GPHN: variants seen among roughly 807,000 people sequenced by gnomAD.
GPHN encodes gephyrin.
In GPHN, 17 loss-of-function variants were observed where a neutral mutation model predicts 95.5. The observed-to-expected ratio is 0.18, with a 90% CI of 0.12 to 0.27. The LOEUF (loss-of-function observed/expected upper bound fraction) is 0.27, where lower values mean the gene tolerates loss of function less well. Among genes scored for constraint, GPHN ranks in the 10% least tolerant of loss-of-function variants. The pLI is 1.00. For synonymous variants in GPHN, 320 were observed against 322.5 expected, an observed-to-expected ratio of 0.99 and a Z score of 0.08; for missense variants, 660 against 978.1, an observed-to-expected ratio of 0.67 and a Z score of 4.34.
intron 11 of GPHN, among the ~76,000 whole-genome samples, chr14:67,070,720 A>ATATATATATATATATATATATATATG (rs1183283173): frequency 2.1e-5 from 3 of 141,156 alleles, no homozygotes; most frequent in African/African-American, 8.4e-5. Flanking sequence ...AAAAAAATAT[A>ATATATATATATATATATATATATATG]TATATATATC....
chr14:67,642,331 C>T, the GPHN span: 1 of 1,614,048 alleles, frequency 6.2e-7, no homozygotes, highest in African/African-American at 1.3e-5. Context: ...TGTCAGATGG[C>T]TACAGCTGTG....
chr14:67,621,004 G>GT, the GPHN span: 1 of 1,580,718 alleles, frequency 6.3e-7, no homozygotes, highest in Non-Finnish European at 8.7e-7. Flanking sequence ...TGCAGGACTA[G>GT]TAATAGACCA....
the GPHN span, chr14:67,600,145 C>T: frequency 1.3e-6 from 2 of 1,593,400 alleles, no homozygotes; most frequent in South Asian, 2.3e-5. Context: ...GGAGTAGTAG[C>T]GGCGCTGCAG....
chr14:67,041,222 A>AT (rs562794900), intron 10 of GPHN, among the ~76,000 whole-genome samples: 5 of 151,336 alleles, frequency 3.3e-5, no homozygotes, highest in East Asian at 1.9e-4. Flanking sequence ...CTTTTTTTTT[A>AT]TTTTTTTTAT....
At chr14:67,220,329 G>A in the GPHN span, among the ~76,000 whole-genome samples, 3 of 152,136 alleles carry the variant, frequency 2.0e-5, no homozygotes, top group South Asian at 6.2e-4. Context: ...TGAGGTCCCA[G>A]TTACTCAGGA....
chr14:66,878,790 T>C (rs771999527), intron 4 of GPHN, among the ~76,000 whole-genome samples: 1 of 152,134 alleles, frequency 6.6e-6, no homozygotes, highest in Non-Finnish European at 1.5e-5. Context: ...AATTCAACCA[T>C]TGTGGAAGAC....
At chr14:66,942,157 G>A (rs1567130673) in intron 8 of GPHN, among the ~76,000 whole-genome samples, 1 of 152,052 alleles carries the variant, frequency 6.6e-6, no homozygotes, top group Non-Finnish European at 1.5e-5. Context: ...GATTACAGGT[G>A]CCTGCCACCA....
chr14:67,364,957 C>A, the GPHN span: 5 of 1,613,720 alleles, frequency 3.1e-6, no homozygotes, highest in Non-Finnish European at 4.2e-6. Context: ...CAAACTCATC[C>A]GAATTGGCAG....
chr14:66,523,919 T>TG (rs2058580229), intron 1 of GPHN, among the ~76,000 whole-genome samples: 1 of 152,138 alleles, frequency 6.6e-6, no homozygotes, highest in Non-Finnish European at 1.5e-5. Flanking sequence ...AATACTGAAC[T>TG]GGGGTTCTGC....
At chr14:67,190,549 T>G in the GPHN span, among the ~76,000 whole-genome samples, 1 of 152,226 alleles carries the variant, frequency 6.6e-6, no homozygotes, top group Non-Finnish European at 1.5e-5. Context: ...TTTTTCAGAC[T>G]GTTATCCCAA....
chr14:66,951,799 C>T (rs1477677869), intron 8 of GPHN, among the ~76,000 whole-genome samples: 1 of 152,006 alleles, frequency 6.6e-6, no homozygotes, highest in African/African-American at 2.4e-5. Context: ...ATTTATAGTG[C>T]AGAATTATAG....
chr14:66,648,599 T>G (rs1034211128), intron 1 of GPHN, among the ~76,000 whole-genome samples: 4 of 152,204 alleles, frequency 2.6e-5, no homozygotes, highest in African/African-American at 4.8e-5. Flanking sequence ...TAGGCTATAC[T>G]ATATAGCCTA....
chr14:66,642,933 A>G (rs1433460217), intron 1 of GPHN, among the ~76,000 whole-genome samples: 1 of 130,092 alleles, frequency 7.7e-6, no homozygotes, highest in South Asian at 2.4e-4. Flanking sequence ...TGGGTTAGGG[A>G]AAGATTTCTT....
chr14:67,020,109 G>C (rs992072687), intron 9 of GPHN, among the ~76,000 whole-genome samples: 1 of 152,152 alleles, frequency 6.6e-6, no homozygotes, highest in Non-Finnish European at 1.5e-5. Flanking sequence ...TAAATCTTCT[G>C]TGTCTTGAGA....
the GPHN span, among the ~76,000 whole-genome samples, chr14:67,625,714 C>A: frequency 1.5e-5 from 2 of 132,846 alleles, no homozygotes; most frequent in African/African-American, 2.9e-5. Flanking sequence ...ACTGGAAAGA[C>A]TTCATCAATG....
At chr14:66,768,695 C>T (rs2059052962) in intron 2 of GPHN, among the ~76,000 whole-genome samples, 2 of 151,736 alleles carry the variant, frequency 1.3e-5, no homozygotes, top group South Asian at 4.2e-4. Context: ...GCTTTAGTAC[C>T]CCACTTTCAA....
chr14:66,990,669 T>C (rs2071351162), intron 9 of GPHN, among the ~76,000 whole-genome samples: 1 of 152,128 alleles, frequency 6.6e-6, no homozygotes, highest in Non-Finnish European at 1.5e-5. Context: ...TAACCTACAG[T>C]TACTTTTACA....
chr14:67,584,286 C>T, the GPHN span, among the ~76,000 whole-genome samples: 1 of 152,198 alleles, frequency 6.6e-6, no homozygotes. Context: ...CAGTCCAGAG[C>T]AGAATTGTGA....
the GPHN span, among the ~76,000 whole-genome samples, chr14:67,457,308 A>C: frequency 0.019 from 2,881 of 152,338 alleles, 31 homozygotes; most frequent in Middle Eastern, 0.048. Context: ...AAAAAGAAAC[A>C]AACAGCAGGG....
Sources: allele counts gnomAD v4.1 joint callset (sites outside exome capture counted in the v4.1 genomes callset), GRCh38; gene constraint gnomAD v4.1.1; transcripts MANE v1.5; gene names NCBI Gene and HGNC (gene_info 2026-07-23, HGNC 2026-07-21).